The following BRF1 variants were observed in gnomAD, a reference collection of about 807,000 sequenced individuals.
BRF1 encodes the protein BRF1 general transcription factor IIIB subunit.
A neutral mutation model predicts 81.7 loss-of-function variants in BRF1; 59 were observed. The ratio of observed to expected loss-of-function variants is 0.72; its 90% CI spans 0.59 to 0.90. BRF1 has a LOEUF of 0.90. Ranked by LOEUF, BRF1 falls within the 40% of genes least tolerant of loss-of-function variation. The pLI is 0.00. For synonymous variants in BRF1, 491 were observed against 395.6 expected (o/e 1.24, Z -2.86); for missense variants, 1,050 against 936.3 (o/e 1.12, Z -1.58).
At chr14:105,256,229 T>C in intron 4 of BRF1, 1 of 1,539,236 alleles carries the variant, frequency 6.5e-7, no homozygotes, top group African/African-American at 1.4e-5. Context: ...CTCCTTTGTG[T>C]AGGACAAAAG....
chr14:105,260,290 G>T (rs2056089025), intron 3 of BRF1, among the ~76,000 whole-genome samples: 1 of 152,196 alleles, frequency 6.6e-6, no homozygotes, highest in Non-Finnish European at 1.5e-5. Context: ...AAATAAGATG[G>T]TGAGGGCAGC....
intron 15 of BRF1, chr14:105,217,210 G>T: frequency 2.2e-6 from 1 of 451,730 alleles, no homozygotes; most frequent in Non-Finnish European, 4.1e-6. Flanking sequence ...AGGGCGGCAG[G>T]GCTGGGGACT....
At chr14:105,219,892 AAG>A (rs1891988609) in intron 12 of BRF1, 175 bp downstream of exon 12, 2 of 692,576 alleles carry the variant, frequency 2.9e-6, no homozygotes, top group Non-Finnish European at 2.4e-6. Flanking sequence ...GACACTGGAG[AAG>A]AGAGTGTGGG....
intron 2 of BRF1, among the ~76,000 whole-genome samples, chr14:105,285,707 G>A (rs1344252158): frequency 6.6e-6 from 1 of 151,962 alleles, no homozygotes; most frequent in East Asian, 1.9e-4. Flanking sequence ...GGATACCAGC[G>A]AAAAATAAAA....
intron 5 of BRF1, chr14:105,248,197 T>C: frequency 1.0e-6 from 1 of 985,470 alleles, no homozygotes; most frequent in South Asian, 4.7e-5. Context: ...CGTAGCAAGC[T>C]AAATCGCGAA....
At chr14:105,219,307 CG>C (rs1891862351) in intron 12 of BRF1, 75 bp from the exon 13 acceptor site, 4 of 1,588,260 alleles carry the variant, frequency 2.5e-6, no homozygotes, top group Non-Finnish European at 2.6e-6. Flanking sequence ...CGCTGGCCAG[CG>C]GGAAGTATTT....
chr14:105,310,533 C>CAAAAAAA (rs764203821), intron 1 of BRF1, among the ~76,000 whole-genome samples: 1 of 79,736 alleles, frequency 1.3e-5, no homozygotes, highest in Non-Finnish European at 2.3e-5. Context: ...GACTCTGTCT[C>CAAAAAAA]AAAAAAAAAA....
intron 1 of BRF1, among the ~76,000 whole-genome samples, chr14:105,294,691 C>G (rs2057663007): frequency 1.3e-5 from 2 of 152,084 alleles, no homozygotes; most frequent in Non-Finnish European, 2.9e-5. Flanking sequence ...AAACACGGAT[C>G]AACTTCTAGC....
chr14:105,216,456 C>T (rs1371648066), intron 15 of BRF1, among the ~76,000 whole-genome samples: 2 of 152,036 alleles, frequency 1.3e-5, no homozygotes, highest in African/African-American at 4.8e-5. Flanking sequence ...GGAATGCACC[C>T]CCAGAGGACC....
intron 1 of BRF1, among the ~76,000 whole-genome samples, chr14:105,286,830 G>T (rs1014994574): frequency 2.0e-5 from 3 of 152,184 alleles, no homozygotes; most frequent in Admixed American, 1.3e-4. Flanking sequence ...CAAGTCCAGA[G>T]TGGACGCTGT....
At chr14:105,299,562 G>A (rs1378385523) in intron 1 of BRF1, among the ~76,000 whole-genome samples, 4 of 152,184 alleles carry the variant, frequency 2.6e-5, no homozygotes, top group African/African-American at 9.7e-5. Context: ...GCCACAGAGT[G>A]AGATCCTGTC....
Position 105,221,659 on chromosome 14 carries a change from C to A in BRF1, c.1304G>T (p.Ser435Ile), listed in dbSNP as rs751315824. Residue 435 changes from serine to isoleucine, a missense_variant, in exon 11 of 18, where the codon AGC (serine) becomes ATC (isoleucine). By Grantham distance (142) the Ser-to-Ile change is moderately radical. This residue lies in a region of BRF1 where 1,043 missense variants were observed against 915.4 expected (regional missense o/e 1.14). Transcript: ENST00000547530. Reference sequence around the variant, plus strand: ...CCATCAGAACTCACTGGGGTCGCTGCTCTGAGAGGAGATGCATTCGCGGAT... The same window carrying A: ...CCATCAGAACTCACTGGGGTCGCTGATCTGAGAGGAGATGCATTCGCGGAT... ...DSIRECISSQ[S>I]SDPKDASGDG... The A allele has an allele frequency of 1.2e-6, 2 of 1,611,138 alleles. No individual in the cohort carries two copies. Among genetic ancestry groups the A allele is most frequent in the Non-Finnish European group, 1.7e-6 (2 of 1,179,768 alleles).
intron 3 of BRF1, among the ~76,000 whole-genome samples, chr14:105,260,030 C>T (rs2816613): frequency 0.25 from 38,009 of 152,038 alleles, 5,005 homozygotes; most frequent in South Asian, 0.28. Context: ...TTGCCTTTTG[C>T]GGGGCTGGGA....
chr14:105,315,192 G>A lies in BRF1; in HGVS notation c.-162+130C>T. 1 of 290,380 alleles carries A rather than the reference G, an allele frequency of 3.4e-6. No homozygotes were observed. The highest frequency in any genetic ancestry group is 5.3e-6 in the Non-Finnish European group (1 of 188,660). The allele number at this position is 290,380 out of a possible 1,614,324, so 18.0% of individuals were successfully genotyped here. On this transcript the variant is annotated intron_variant, in intron 1 of 17. Coordinates refer to the BRF1 transcript ENST00000327359. The surrounding 1 kb of genome is among the most constrained non-coding windows in gnomAD (Gnocchi z 4.4). ...CGCCGGTTCGACGCGTGCAGCCGCCGCCCCCCCGCAGCTCCGGCAAGCGCG... is the reference window on the plus strand; with the variant it reads ...CGCCGGTTCGACGCGTGCAGCCGCCACCCCCCCGCAGCTCCGGCAAGCGCG...
intron 16 of BRF1, 117 bp from the exon 17 acceptor site, chr14:105,211,410 GCTCC>G: frequency 2.9e-6 from 3 of 1,034,454 alleles, no homozygotes; most frequent in Non-Finnish European, 4.1e-6. Flanking sequence ...CACACCAGTG[GCTCC>G]CGGGGTTGGC....
intron 10 of BRF1, among the ~76,000 whole-genome samples, chr14:105,224,959 C>A (rs182723740): frequency 5.8e-4 from 89 of 152,372 alleles, no homozygotes; most frequent in South Asian, 4.1e-3. Context: ...GGGGAAAGCA[C>A]CTGATCCCCA....
chr14:105,254,851 C>T (rs1317232330), intron 4 of BRF1, among the ~76,000 whole-genome samples: 4 of 152,220 alleles, frequency 2.6e-5, no homozygotes, highest in Non-Finnish European at 4.4e-5. Context: ...TGTGAGCCAC[C>T]GCGCCCGGCC....
intron 2 of BRF1, among the ~76,000 whole-genome samples, chr14:105,274,403 T>C (rs1055883416): frequency 6.6e-6 from 1 of 152,180 alleles, no homozygotes. Context: ...CTCTGTGTCA[T>C]TTCTTTTCTC....
chr14:105,212,086 C>T (rs1213104761), intron 16 of BRF1, 27 bp downstream of exon 16: 2 of 1,610,596 alleles, frequency 1.2e-6, no homozygotes, highest in Non-Finnish European at 1.7e-6. Flanking sequence ...CAAGGTCTCC[C>T]TGCCCTGGCT....
Sources: gnomAD v4.1 joint callset for allele counts (sites outside exome capture counted in the v4.1 genomes callset) on GRCh38, gnomAD v4.1.1 for gene constraint, gnomAD v4.1.1 regional missense constraint, Gnocchi (gnomAD v3.1) non-coding constraint, MANE v1.5 for transcripts, NCBI Gene and HGNC (gene_info 2026-07-23, HGNC 2026-07-21) for gene names.